Variants in PARD3B observed in about 807,000 individuals in gnomAD.
PARD3B encodes partitioning defective 3 homolog B.
Under a neutral mutation model 130.2 loss-of-function variants are expected in PARD3B, and 103 were observed. The ratio of observed to expected loss-of-function variants is 0.79; its 90% CI spans 0.67 to 0.93. The LOEUF (loss-of-function observed/expected upper bound fraction) is 0.93, where lower values mean the gene tolerates loss of function less well. PARD3B is among the 40% of genes least tolerant of loss of function. The probability of loss-of-function intolerance (pLI) is 0.00; values close to 1 mark genes in which losing one functional copy is unlikely to be tolerated. For synonymous variants in PARD3B, 583 were observed against 553.2 expected (o/e 1.05, Z -0.76); for missense variants, 1,609 against 1,499.2 (o/e 1.07, Z -1.21).
intron 16 of PARD3B, among the ~76,000 whole-genome samples, chr2:205,284,365 T>A (rs936890190): frequency 6.6e-6 from 1 of 152,198 alleles, no homozygotes; most frequent in African/African-American, 2.4e-5. Flanking sequence ...ACCTTTTCTC[T>A]TACTGGAATA....
At chr2:205,285,008 T>TTTTTG (rs2041339698) in intron 16 of PARD3B, among the ~76,000 whole-genome samples, 1 of 148,506 alleles carries the variant, frequency 6.7e-6, no homozygotes, top group Non-Finnish European at 1.5e-5. Context: ...TTTTTTTTTT[T>TTTTTG]GTGGGAGTAT....
rs569827198 is a variant in PARD3B, at chr2:205,604,847, T to G, written c.3261-10609T>G. ...CGCTGTCTCTTTCAGGTACCCTAAT[T>G]AGTCATAGGTTCAGTCTTTTCACAT... is the stretch of plus-strand genomic sequence containing the variant. On this transcript the variant is annotated intron_variant, in intron 22 of 22. Coordinates refer to ENST00000406610, the MANE Select transcript of PARD3B (RefSeq NM_001302769.2). 1.1e-3 allele frequency among the ~76,000 whole-genome samples: 174 copies of G among 152,306 alleles called. 1 individual carries two copies. The highest frequency in any genetic ancestry group is 4.1e-3 in the African/African-American group (172 of 41,568).
At position 205,129,384 on chromosome 2, in the gene PARD3B, A is replaced by G. The variant is rs77806929; in HGVS notation, c.1434+3647A>G. On this transcript the variant is annotated intron_variant, in intron 10 of 22. Transcript: ENST00000406610. ...GCTATTTCAGTGGGAATTACTTCAT[A>G]GTGTGGCATACACCGGCCTGTTTGA... 1.8e-3 allele frequency among the ~76,000 whole-genome samples: 277 copies of G among 152,352 alleles called. 2 individuals are homozygous for G. Among genetic ancestry groups the G allele is most frequent in the African/African-American group, 6.6e-3 (274 of 41,594 alleles).
At chr2:205,050,886 G>A (rs1699143116) in intron 4 of PARD3B, among the ~76,000 whole-genome samples, 1 of 152,058 alleles carries the variant, frequency 6.6e-6, no homozygotes, top group African/African-American at 2.4e-5. Flanking sequence ...GGGCAACAGT[G>A]CAATTCGGTT....
chr2:205,129,795 G>T (rs1053092962), intron 10 of PARD3B, among the ~76,000 whole-genome samples: 2 of 152,166 alleles, frequency 1.3e-5, no homozygotes, highest in Admixed American at 6.6e-5. Flanking sequence ...CATGTGGTCA[G>T]CAGTTATACA....
intron 10 of PARD3B, among the ~76,000 whole-genome samples, chr2:205,154,724 G>T (rs1165583192): frequency 1.3e-5 from 2 of 152,104 alleles, no homozygotes; most frequent in Admixed American, 6.5e-5. Context: ...CCATAAAAAA[G>T]GATGAGTTCA....
chr2:205,286,683 G>A lies in PARD3B; in HGVS notation c.2186-13847G>A, dbSNP rs544094008. Among the ~76,000 whole-genome samples, 7 of 152,270 alleles carry A rather than the reference G, an allele frequency of 4.6e-5. No individual in the cohort carries two copies. The East Asian group carries it at 1.4e-3, about 29-fold the overall frequency. ...TAGATACCCTCTTCCTGGGAGACAG[G>A]TCTCTCTCCTCCTAAATGAGAGGCC... is the stretch of plus-strand genomic sequence containing the variant. On this transcript the variant is annotated intron_variant, in intron 16 of 22. Transcript: ENST00000406610.
chr2:204,692,684 T>C (rs934351766), intron 2 of PARD3B, among the ~76,000 whole-genome samples: 3 of 152,148 alleles, frequency 2.0e-5, no homozygotes, highest in African/African-American at 7.2e-5. Flanking sequence ...GTTGATGTTA[T>C]AAAAGCACAA....
intron 2 of PARD3B, among the ~76,000 whole-genome samples, chr2:204,699,535 T>A (rs918579607): frequency 1.3e-5 from 2 of 152,040 alleles, no homozygotes; most frequent in Non-Finnish European, 2.9e-5. Context: ...CCGGAGGATT[T>A]GTAAGAACAC....
intron 1 of PARD3B, among the ~76,000 whole-genome samples, chr2:204,633,128 C>T (rs1220426602): frequency 6.6e-6 from 1 of 152,042 alleles, no homozygotes; most frequent in African/African-American, 2.4e-5. Flanking sequence ...TAAGGTAGTT[C>T]TATTTTGAAT....
chr2:204,564,042 G>T (rs562953308), intron 1 of PARD3B, among the ~76,000 whole-genome samples: 4 of 152,298 alleles, frequency 2.6e-5, no homozygotes, highest in African/African-American at 9.6e-5. Context: ...CCAAAGTGCT[G>T]GGATTGCAGG....
rs560600330 is a variant in PARD3B at position 205,575,240 on chromosome 2, T to C, written c.3260+21837T>C. Among the ~76,000 whole-genome samples the C allele has an allele frequency of 2.0e-5, 3 of 152,198 alleles. No individual in the cohort carries two copies. Among genetic ancestry groups the C allele is most frequent in the Admixed American group, 6.6e-5 (1 of 15,252 alleles). ...CACTGTTTTTAGTGCAGTTTCAGGTTCACACCAAATTTTAGAGGAAGGTAC... is the reference window on the plus strand; with the variant it reads ...CACTGTTTTTAGTGCAGTTTCAGGTCCACACCAAATTTTAGAGGAAGGTAC... On this transcript the variant is annotated intron_variant, in intron 22 of 22. Coordinates refer to ENST00000406610, the MANE Select transcript of PARD3B (RefSeq NM_001302769.2). This position sits in a 1 kb window ranked among gnomAD's most constrained non-coding sequence, Gnocchi z 4.6.
intron 19 of PARD3B, among the ~76,000 whole-genome samples, chr2:205,408,042 C>T (rs1427765168): frequency 6.6e-6 from 1 of 152,176 alleles, no homozygotes; most frequent in Non-Finnish European, 1.5e-5. Flanking sequence ...TTTTCAACAA[C>T]TAGCCTGAAC....
In PARD3B at chr2:205,325,403, G is replaced by A. The variant is rs989833806; in HGVS notation, c.2630+23702G>A. On this transcript the variant is annotated intron_variant, in intron 18 of 22. Transcript: ENST00000406610. The surrounding 1 kb of genome is among the most constrained non-coding windows in gnomAD (Gnocchi z 4.1). ...CCATCCTTCAATCCACACTAACCCC[G>A]TGGTCAACTCTTAGTGATGCTTAAA... is the stretch of plus-strand genomic sequence containing the variant. 2.0e-5 allele frequency among the ~76,000 whole-genome samples: 3 copies of A among 152,052 alleles called. No individual in the cohort carries two copies. The highest frequency in any genetic ancestry group is 4.4e-5 in the Non-Finnish European group (3 of 68,020).
chr2:204,990,613 T>A (rs1355882848), intron 3 of PARD3B, among the ~76,000 whole-genome samples: 1 of 152,048 alleles, frequency 6.6e-6, no homozygotes, highest in East Asian at 1.9e-4. Flanking sequence ...ACTAATAATT[T>A]GTAGATTGTA....
At position 205,065,649 on chromosome 2, in the gene PARD3B, C is replaced by T. The variant is rs185347110; in HGVS notation, c.504+17959C>T. On this transcript the variant is annotated intron_variant, in intron 4 of 22. Transcript: ENST00000406610. ...CTGTTCTGGTGGTAGTAACTGAGTT[C>T]TCTCTCTGGTGAGAATAGATTAGTT... 1.2e-4 allele frequency among the ~76,000 whole-genome samples: 19 copies of T among 152,156 alleles called. No homozygotes were observed. In the East Asian group the frequency reaches 3.3e-3, roughly 26 times the overall value.
intron 4 of PARD3B, among the ~76,000 whole-genome samples, chr2:205,058,580 C>T (rs936738084): frequency 4.6e-5 from 7 of 152,008 alleles, no homozygotes; most frequent in Non-Finnish European, 4.4e-5. Flanking sequence ...GTTCCAGTTT[C>T]TCCACATCCT....
chr2:205,320,916 T>C (rs750410880), intron 18 of PARD3B, among the ~76,000 whole-genome samples: 1 of 152,210 alleles, frequency 6.6e-6, no homozygotes, highest in Non-Finnish European at 1.5e-5. Context: ...CCATTTCTGG[T>C]GTATAGGCAC....
intron 16 of PARD3B, among the ~76,000 whole-genome samples, chr2:205,270,273 G>C (rs934431268): frequency 1.3e-5 from 2 of 152,040 alleles, no homozygotes; most frequent in African/African-American, 4.8e-5. Flanking sequence ...ATAACAGAAA[G>C]CCCTACTATT....
Sources: allele counts gnomAD v4.1 joint callset (sites outside exome capture counted in the v4.1 genomes callset), GRCh38; gene constraint gnomAD v4.1.1; non-coding constraint Gnocchi (gnomAD v3.1); transcripts MANE v1.5; gene names NCBI Gene and HGNC (gene_info 2026-07-23, HGNC 2026-07-21).